SHISA9: variants seen among roughly 807,000 people sequenced by gnomAD.
SHISA9 encodes shisa family member 9, also known as protein shisa-9.
SHISA9 carries 13 observed loss-of-function variants against 38.0 expected under a neutral mutation model. The observed-to-expected ratio is 0.34, with a 90% confidence interval of 0.22 to 0.54. The LOEUF (loss-of-function observed/expected upper bound fraction) is 0.54. Ranked by LOEUF, SHISA9 falls within the 20% of genes least tolerant of loss-of-function variation. The pLI, the probability that SHISA9 is intolerant of heterozygous loss-of-function variation, is 0.91. For synonymous variants in SHISA9, 275 were observed against 242.0 expected, an observed-to-expected ratio of 1.14 and a Z score of -1.27; for missense variants, 538 against 575.8, an observed-to-expected ratio of 0.93 and a Z score of 0.67.
chr16:13,002,401 C>T lies in SHISA9; in HGVS notation c.691+85586C>T, dbSNP rs149290713. On this transcript the variant is annotated intron_variant, in intron 2 of 4. Transcript: ENST00000558583. ...CCTAGGAGTTAGTCGTGATTATCCT[C>T]GTTGTCCACAAGCGACGGCTCCAGG... is the stretch of plus-strand genomic sequence containing the variant. Among the ~76,000 whole-genome samples the T allele has an allele frequency of 1.5e-3, 227 of 152,218 alleles. 1 individual carries two copies. The highest frequency in any genetic ancestry group is 6.3e-3 in the Admixed American group (96 of 15,276).
chr16:13,491,817 C>T, the SHISA9 span, among the ~76,000 whole-genome samples: 2 of 46,890 alleles, frequency 4.3e-5, no homozygotes, highest in Non-Finnish European at 7.9e-5. Context: ...TATTTATTGA[C>T]CTTTTTTTTT....
At chr16:13,167,990 C>T (rs924781467) in intron 2 of SHISA9, among the ~76,000 whole-genome samples, 3 of 152,162 alleles carry the variant, frequency 2.0e-5, no homozygotes, top group African/African-American at 7.2e-5. Context: ...CAGGTCTCAG[C>T]TCACCTGTCT....
intron 1 of SHISA9, among the ~76,000 whole-genome samples, chr16:12,907,261 T>A (rs1399155246): frequency 7.1e-6 from 1 of 140,748 alleles, no homozygotes; most frequent in Admixed American, 7.1e-5. Flanking sequence ...CTACCCTTCT[T>A]CCTTCTGTCT....
At chr16:13,480,857 C>T in the SHISA9 span, among the ~76,000 whole-genome samples, 3,790 of 152,170 alleles carry the variant, frequency 0.025, 150 homozygotes, top group African/African-American at 0.084. Flanking sequence ...ACTCAGAAGG[C>T]GGTGGAGGGG....
At chr16:13,550,919 C>T in the SHISA9 span, among the ~76,000 whole-genome samples, 9 of 151,974 alleles carry the variant, frequency 5.9e-5, no homozygotes, top group South Asian at 4.2e-4. Context: ...GTCAGGCGTT[C>T]GAGACCAGCC....
the SHISA9 span, among the ~76,000 whole-genome samples, chr16:13,466,251 C>A: frequency 1.3e-5 from 2 of 152,160 alleles, no homozygotes; most frequent in Non-Finnish European, 2.9e-5. Flanking sequence ...GCTTCTGAGT[C>A]AACAGGCTAA....
intron 1 of SHISA9, chr16:12,908,552 A>G: frequency 6.4e-7 from 1 of 1,551,836 alleles, no homozygotes; most frequent in Admixed American, 2.0e-5. Flanking sequence ...TGGAGAGTGG[A>G]GTGTCGGACT....
the SHISA9 span, among the ~76,000 whole-genome samples, chr16:13,501,881 A>G: frequency 2.0e-5 from 3 of 152,142 alleles, no homozygotes; most frequent in Non-Finnish European, 4.4e-5. Context: ...ACATGCTTGT[A>G]ATCCCAGCTA....
the SHISA9 span, among the ~76,000 whole-genome samples, chr16:13,511,000 G>C: frequency 6.6e-6 from 1 of 152,168 alleles, no homozygotes; most frequent in Non-Finnish European, 1.5e-5. Context: ...TCCAGGCACA[G>C]GTAACTAGAG....
At chr16:13,222,327 C>A (rs1434888042) in intron 4 of SHISA9, among the ~76,000 whole-genome samples, 2 of 152,176 alleles carry the variant, frequency 1.3e-5, no homozygotes, top group Non-Finnish European at 2.9e-5. Flanking sequence ...CGAGTGGTCA[C>A]TCCAGGACCC....
chr16:12,923,142 C>T (rs765695213), intron 2 of SHISA9, among the ~76,000 whole-genome samples: 5 of 152,184 alleles, frequency 3.3e-5, no homozygotes, highest in Admixed American at 1.3e-4. Context: ...AAGATACTCT[C>T]ATTTGATGAA....
At chr16:13,502,474 T>C in the SHISA9 span, among the ~76,000 whole-genome samples, 3 of 152,210 alleles carry the variant, frequency 2.0e-5, no homozygotes, top group Non-Finnish European at 4.4e-5. Context: ...ATTCAACAAA[T>C]ATATTTATTG....
intron 2 of SHISA9, among the ~76,000 whole-genome samples, chr16:12,951,897 G>T (rs190733125): frequency 4.6e-5 from 7 of 152,314 alleles, no homozygotes; most frequent in Admixed American, 4.6e-4. Context: ...TATGCAGGAG[G>T]ACAAACAAAA....
chr16:13,187,531 C>A (rs2050839072), intron 2 of SHISA9, among the ~76,000 whole-genome samples: 1 of 151,754 alleles, frequency 6.6e-6, no homozygotes, highest in Non-Finnish European at 1.5e-5. Flanking sequence ...GATGAGGTTT[C>A]CCCATGTTGG....
chr16:12,942,687 G>A (rs1249699467), intron 2 of SHISA9, among the ~76,000 whole-genome samples: 4 of 152,180 alleles, frequency 2.6e-5, no homozygotes, highest in Admixed American at 1.3e-4. Flanking sequence ...GTAGTTGACC[G>A]AATTTCCCTT....
At chr16:13,051,757 T>C (rs1455111007) in intron 2 of SHISA9, among the ~76,000 whole-genome samples, 1 of 151,008 alleles carries the variant, frequency 6.6e-6, no homozygotes, top group Non-Finnish European at 1.5e-5. Context: ...TCTTGAGTTT[T>C]TATAAAATTT....
At chr16:13,448,529 C>T in the SHISA9 span, among the ~76,000 whole-genome samples, 1 of 152,356 alleles carries the variant, frequency 6.6e-6, no homozygotes, top group East Asian at 1.9e-4. Context: ...ACGGACCGTA[C>T]TCTTCTGCAG....
chr16:13,082,093 C>A (rs1246923893), intron 2 of SHISA9, among the ~76,000 whole-genome samples: 1 of 152,226 alleles, frequency 6.6e-6, no homozygotes, highest in Non-Finnish European at 1.5e-5. Context: ...ACAACAGAAC[C>A]CCCCAAAGGG....
chr16:13,167,458 C>T (rs1365738424), intron 2 of SHISA9, among the ~76,000 whole-genome samples: 1 of 152,172 alleles, frequency 6.6e-6, no homozygotes, highest in Non-Finnish European at 1.5e-5. Context: ...ACTTGTGCCT[C>T]TTACGTTTCT....
Sources: allele counts gnomAD v4.1 joint callset (sites outside exome capture counted in the v4.1 genomes callset), GRCh38; gene constraint gnomAD v4.1.1; transcripts MANE v1.5; gene names NCBI Gene and HGNC (gene_info 2026-07-23, HGNC 2026-07-21).